Variants in PPFIA2 observed in about 807,000 individuals in gnomAD.
PPFIA2 encodes liprin-alpha-2.
PPFIA2 carries 46 observed loss-of-function variants against 175.5 expected under a neutral mutation model. That is an observed-to-expected ratio of 0.26 (90% CI 0.21 to 0.34). The LOEUF (loss-of-function observed/expected upper bound fraction) is 0.34, where lower values mean the gene tolerates loss of function less well. Among genes scored for constraint, PPFIA2 ranks in the 10% least tolerant of loss-of-function variants. The pLI, the probability that PPFIA2 is intolerant of heterozygous loss-of-function variation, is 1.00. For missense variants in PPFIA2, 1,179 were observed against 1,506.1 expected (o/e 0.78, Z 3.60); for synonymous variants, 568 against 511.4 (o/e 1.11, Z -1.49).
intron 3 of PPFIA2, among the ~76,000 whole-genome samples, chr12:81,751,576 G>C (rs908824089): frequency 8.6e-5 from 13 of 151,238 alleles, no homozygotes; most frequent in African/African-American, 3.2e-4. Flanking sequence ...TATACAGAGA[G>C]AGAGAGAGAG....
intron 24 of PPFIA2, among the ~76,000 whole-genome samples, chr12:81,285,259 G>A (rs778508967): frequency 6.6e-6 from 1 of 151,956 alleles, no homozygotes; most frequent in Non-Finnish European, 1.5e-5. Context: ...ACATTGCAAG[G>A]TTTTCCAAGC....
chr12:81,490,112 T>C (rs1465310772), intron 4 of PPFIA2, among the ~76,000 whole-genome samples: 1 of 152,058 alleles, frequency 6.6e-6, no homozygotes, highest in South Asian at 2.1e-4. Flanking sequence ...ATGGCTGATG[T>C]TGAATTAAGC....
At chr12:81,756,204 A>G (rs1293997267) in intron 2 of PPFIA2, among the ~76,000 whole-genome samples, 3 of 152,172 alleles carry the variant, frequency 2.0e-5, no homozygotes, top group Admixed American at 2.0e-4. Context: ...AGCAAATCAT[A>G]GCATCATGAC....
intron 22 of PPFIA2, among the ~76,000 whole-genome samples, chr12:81,300,577 G>A (rs994755544): frequency 6.6e-6 from 1 of 152,146 alleles, no homozygotes; most frequent in Non-Finnish European, 1.5e-5. Context: ...AGTGGCTGAA[G>A]AGACATAAAT....
chr12:81,284,130 A>G (rs1296200405), intron 25 of PPFIA2, 111 bp downstream of exon 25: 1 of 811,638 alleles, frequency 1.2e-6, no homozygotes, highest in East Asian at 2.7e-5. Flanking sequence ...ATTGCATGTA[A>G]CTATAAAAAC....
chr12:81,756,666 T>C (rs192642777), intron 2 of PPFIA2, among the ~76,000 whole-genome samples: 7 of 151,960 alleles, frequency 4.6e-5, no homozygotes, highest in Admixed American at 2.0e-4. Flanking sequence ...CAATAATCTA[T>C]GCTTAGAGGA....
intron 8 of PPFIA2, among the ~76,000 whole-genome samples, chr12:81,399,349 A>G (rs1284925068): frequency 6.6e-6 from 1 of 151,694 alleles, no homozygotes; most frequent in African/African-American, 2.4e-5. Flanking sequence ...GGCTAATACA[A>G]ATGATACTTC....
At chr12:81,626,126 C>T (rs576745635) in intron 4 of PPFIA2, among the ~76,000 whole-genome samples, 2 of 151,332 alleles carry the variant, frequency 1.3e-5, no homozygotes, top group Admixed American at 6.6e-5. Flanking sequence ...TCAATTCATG[C>T]TGTTATTTAC....
rs1291083263 is a variant in PPFIA2 at position 81,474,251 on chromosome 12, G to A, written c.304-16385C>T. On this transcript the variant is annotated intron_variant, in intron 4 of 32. Transcript: ENST00000549396. ...GGCTCACTGCAACCTCCACCTCCCG[G>A]TTTCAAGCAATTCTTGTGCCTCAGC... 2.0e-5 allele frequency among the ~76,000 whole-genome samples: 3 copies of A among 152,260 alleles called. No individual in the cohort carries two copies. The East Asian group carries it at 5.8e-4, about 29-fold the overall frequency.
intron 22 of PPFIA2, among the ~76,000 whole-genome samples, chr12:81,304,905 G>A (rs192854149): frequency 1.4e-3 from 219 of 152,144 alleles, no homozygotes; most frequent in Non-Finnish European, 1.8e-3. Context: ...TCTGGCTGTT[G>A]AGGATAGCAC....
intron 4 of PPFIA2, among the ~76,000 whole-genome samples, chr12:81,662,606 G>T (rs993313811): frequency 6.6e-6 from 1 of 152,078 alleles, no homozygotes; most frequent in South Asian, 2.1e-4. Flanking sequence ...ATTCACAGCC[G>T]AATTCTACCA....
At chr12:81,335,779 A>AC (rs76399791) in intron 21 of PPFIA2, among the ~76,000 whole-genome samples, 7 of 149,308 alleles carry the variant, frequency 4.7e-5, no homozygotes, top group Non-Finnish European at 5.9e-5. Flanking sequence ...AACAACAACA[A>AC]AAAGACAATG....
At chr12:81,406,658 A>G (rs2042991875) in intron 7 of PPFIA2, among the ~76,000 whole-genome samples, 2 of 152,090 alleles carry the variant, frequency 1.3e-5, no homozygotes, top group South Asian at 4.1e-4. Flanking sequence ...GTTTTAAAAT[A>G]CATTTGCTAA....
intron 24 of PPFIA2, among the ~76,000 whole-genome samples, chr12:81,286,013 A>T (rs2137250550): frequency 6.6e-6 from 1 of 152,134 alleles, no homozygotes; most frequent in South Asian, 2.1e-4. Context: ...AGTGATACTG[A>T]TGGTCCCGAT....
intron 4 of PPFIA2, among the ~76,000 whole-genome samples, chr12:81,504,382 A>C (rs1472976812): frequency 6.6e-6 from 1 of 152,216 alleles, no homozygotes; most frequent in African/African-American, 2.4e-5. Flanking sequence ...ATGGCCAACA[A>C]GCATATGAAA....
intron 14 of PPFIA2, among the ~76,000 whole-genome samples, chr12:81,364,404 G>T (rs2032336786): frequency 1.3e-5 from 2 of 151,876 alleles, no homozygotes; most frequent in East Asian, 3.9e-4. Flanking sequence ...TTTATTTAAA[G>T]ACAGGGTCTC....
At chr12:81,646,902 G>C (rs1040990498) in intron 4 of PPFIA2, among the ~76,000 whole-genome samples, 3 of 151,818 alleles carry the variant, frequency 2.0e-5, no homozygotes, top group Non-Finnish European at 4.4e-5. Context: ...TGAAGGTGGG[G>C]GGAGGGAAGC....
chr12:81,538,388 T>A (rs1326882361), intron 4 of PPFIA2, among the ~76,000 whole-genome samples: 2 of 151,912 alleles, frequency 1.3e-5, no homozygotes, highest in African/African-American at 4.8e-5. Context: ...TATTATTATA[T>A]AAAACATAAT....
intron 3 of PPFIA2, among the ~76,000 whole-genome samples, chr12:81,713,132 A>T (rs2078162468): frequency 6.6e-6 from 1 of 151,300 alleles, no homozygotes; most frequent in African/African-American, 2.4e-5. Flanking sequence ...ACTTTAGTAC[A>T]AAATTATTAG....
Sources: allele counts gnomAD v4.1 joint callset (sites outside exome capture counted in the v4.1 genomes callset), GRCh38; gene constraint gnomAD v4.1.1; transcripts MANE v1.5; gene names NCBI Gene and HGNC (gene_info 2026-07-23, HGNC 2026-07-21).